Variants in ZNF710 observed in about 807,000 individuals in gnomAD.
The protein encoded by ZNF710 is zinc finger protein 710.
A neutral mutation model predicts 50.6 loss-of-function variants in ZNF710; 13 were observed. That is an observed-to-expected ratio of 0.26 (90% CI 0.17 to 0.41). The LOEUF (loss-of-function observed/expected upper bound fraction) is 0.41. ZNF710 is among the 10% of genes least tolerant of loss of function. The pLI, the probability that ZNF710 is intolerant of heterozygous loss-of-function variation, is 1.00. For synonymous variants in ZNF710, 383 were observed against 397.0 expected (o/e 0.96, Z 0.42); for missense variants, 721 against 936.6 (o/e 0.77, Z 3.01).
intron 1 of ZNF710, among the ~76,000 whole-genome samples, chr15:90,037,560 G>A (rs1899166843): frequency 6.6e-6 from 1 of 152,226 alleles, no homozygotes; most frequent in Non-Finnish European, 1.5e-5. Flanking sequence ...ACCACCACTG[G>A]TGGTACTCAG....
At chr15:90,018,417 C>T (rs1370031308) in intron 1 of ZNF710, among the ~76,000 whole-genome samples, 3 of 152,158 alleles carry the variant, frequency 2.0e-5, no homozygotes, top group East Asian at 3.9e-4. Flanking sequence ...ATCCGCCTAC[C>T]GTGGCCTCCC....
intron 1 of ZNF710, among the ~76,000 whole-genome samples, chr15:90,042,359 C>G (rs144906225): frequency 1.3e-5 from 2 of 151,996 alleles, no homozygotes; most frequent in Non-Finnish European, 2.9e-5. Flanking sequence ...CCCCCCACCC[C>G]CTCCAGGCAG....
At position 90,039,139 on chromosome 15, in the gene ZNF710, C is replaced by T. The variant is rs139522581; in HGVS notation, c.-28-27971C>T. On this transcript the variant is annotated intron_variant, in intron 1 of 4. Coordinates refer to ENST00000268154, the MANE Select transcript of ZNF710 (RefSeq NM_198526.4). Reference sequence around the variant, plus strand: ...ACTAAAAATACAAAAATTAGCCAGGCGTGGTGGCAGGCGCCTGTAACCCCA... The same window carrying T: ...ACTAAAAATACAAAAATTAGCCAGGTGTGGTGGCAGGCGCCTGTAACCCCA... Among the ~76,000 whole-genome samples the T allele has an allele frequency of 3.8e-3, 574 of 152,164 alleles. 3 individuals carry two copies. The highest frequency in any genetic ancestry group is 0.012 in the African/African-American group (493 of 41,498).
At chr15:90,031,025 A>AAAAC (rs1182606642) in intron 1 of ZNF710, among the ~76,000 whole-genome samples, 7 of 150,372 alleles carry the variant, frequency 4.7e-5, no homozygotes, top group Admixed American at 6.6e-5. Flanking sequence ...TCTCAAAAAA[A>AAAAC]AAGAAAAAAA....
At chr15:90,045,205 C>T (rs908832177) in intron 1 of ZNF710, among the ~76,000 whole-genome samples, 2 of 152,228 alleles carry the variant, frequency 1.3e-5, no homozygotes, top group African/African-American at 2.4e-5. Flanking sequence ...CTTCATCTCT[C>T]TAGCTCCTAG....
chr15:90,024,606 G>T (rs1014587552), intron 1 of ZNF710, among the ~76,000 whole-genome samples: 14 of 152,262 alleles, frequency 9.2e-5, no homozygotes, highest in African/African-American at 3.4e-4. Flanking sequence ...TCACCTGCTT[G>T]TGAAATGATG....
chr15:90,000,919 A>G (rs941451220), upstream of ZNF710, among the ~76,000 whole-genome samples: 2 of 151,394 alleles, frequency 1.3e-5, no homozygotes, highest in Non-Finnish European at 2.9e-5. Context: ...CGGGCCCCCC[A>G]TTTCCAAGCG....
intron 4 of ZNF710, among the ~76,000 whole-genome samples, chr15:90,077,910 A>AAAG (rs1900631555): frequency 6.6e-6 from 1 of 151,284 alleles, no homozygotes; most frequent in Admixed American, 6.6e-5. Flanking sequence ...CCTTGTCAAA[A>AAAG]AAAGAAAAGA....
chr15:90,034,807 C>T lies in ZNF710; in HGVS notation c.-28-32303C>T, dbSNP rs1447961433. On this transcript the variant is annotated intron_variant, in intron 1 of 4. Coordinates refer to ENST00000268154, the MANE Select transcript of ZNF710 (RefSeq NM_198526.4). The surrounding 1 kb of genome is among the most constrained non-coding windows in gnomAD (Gnocchi z 4.0). ...AGGTGCATTTCCTTTGCACACCTGG[C>T]GCCTGTTGGGGACTTAGACCTCTTC... Among the ~76,000 whole-genome samples the T allele has an allele frequency of 2.0e-5, 3 of 152,194 alleles. No homozygotes were observed. The highest frequency in any genetic ancestry group is 4.8e-5 in the African/African-American group (2 of 41,450).
chr15:90,009,438 A>T (rs778065108), intron 1 of ZNF710, among the ~76,000 whole-genome samples: 13 of 151,962 alleles, frequency 8.6e-5, no homozygotes, highest in Non-Finnish European at 1.8e-4. Flanking sequence ...TAGACTTGCC[A>T]TTACCCAGAA....
Position 90,001,437 on chromosome 15 carries a change from G to T in ZNF710, c.-206G>T, listed in dbSNP as rs983007552. On this transcript the variant is annotated 5_prime_UTR_variant, in exon 1 of 5. Coordinates refer to ENST00000268154, the MANE Select transcript of ZNF710 (RefSeq NM_198526.4). The stretch of plus-strand genomic sequence containing the variant: ...GAGCGAGAGAGCGAGCGAGAGGAGG[G>T]GGGAGAGAGAGAAAGAGAGGAGCCG... 2.6e-5 allele frequency: 4 copies of T among 152,152 alleles called. No individual in the cohort carries two copies. The highest frequency in any genetic ancestry group is 2.0e-4 in the South Asian group (1 of 4,944). The allele number at this position is 152,152 out of a possible 1,614,324, so 9.4% of individuals were successfully genotyped here. A position where few individuals can be genotyped will look rare whatever the true frequency, so the allele number is the denominator to read the frequency against.
intron 1 of ZNF710, among the ~76,000 whole-genome samples, chr15:90,008,934 T>C (rs1368732041): frequency 1.3e-5 from 2 of 152,150 alleles, no homozygotes; most frequent in African/African-American, 4.8e-5. Context: ...TGAGAATAAG[T>C]GATCATATTG....
In ZNF710 at chr15:90,051,589, C is replaced by T. The variant is rs146365165; in HGVS notation, c.-28-15521C>T. Among the ~76,000 whole-genome samples, 185 of 151,564 alleles carry T rather than the reference C, an allele frequency of 1.2e-3. 2 individuals carry two copies. Among genetic ancestry groups the T allele is most frequent in the African/African-American group, 4.1e-3 (170 of 41,430 alleles). ...CAGAGGTTGCAGTGAGCTGAGATGG[C>T]GCCACTGCACTCCAGCCTTGGCGAC... is the stretch of plus-strand genomic sequence containing the variant. On this transcript the variant is annotated intron_variant, in intron 1 of 4. Transcript: ENST00000268154.
At chr15:90,070,027 G>A (rs541219080) in intron 2 of ZNF710, among the ~76,000 whole-genome samples, 3 of 152,262 alleles carry the variant, frequency 2.0e-5, no homozygotes, top group Admixed American at 1.3e-4. Flanking sequence ...TCCCCATAAC[G>A]GTGGCCTATG....
intron 1 of ZNF710, among the ~76,000 whole-genome samples, chr15:90,020,258 T>G (rs554379444): frequency 6.6e-6 from 1 of 152,312 alleles, no homozygotes; most frequent in African/African-American, 2.4e-5. Flanking sequence ...GGGCTGAGCT[T>G]CTTTCTTCCC....
chr15:90,021,785 A>G (rs1898630163), intron 1 of ZNF710, among the ~76,000 whole-genome samples: 1 of 152,188 alleles, frequency 6.6e-6, no homozygotes, highest in Non-Finnish European at 1.5e-5. Context: ...GAGTCCTAGC[A>G]GACAAAGGCG....
intron 1 of ZNF710, among the ~76,000 whole-genome samples, chr15:90,029,882 T>C (rs1193639348): frequency 6.6e-6 from 1 of 151,746 alleles, no homozygotes; most frequent in Non-Finnish European, 1.5e-5. Flanking sequence ...CCCAAAGTGC[T>C]GGGATTACAG....
chr15:90,026,260 C>CAA (rs1303807061), intron 1 of ZNF710, among the ~76,000 whole-genome samples: 22 of 40,776 alleles, frequency 5.4e-4, no homozygotes, highest in African/African-American at 7.4e-4. Context: ...AAAACAACAA[C>CAA]AACAACAACA....
At chr15:90,026,127 C>G (rs1356357715) in intron 1 of ZNF710, 1 of 151,420 alleles carries the variant, frequency 6.6e-6, no homozygotes, top group Non-Finnish European at 1.5e-5. Flanking sequence ...AATTAAGAAA[C>G]GGAAACACAG....
Sources: gnomAD v4.1 joint callset for allele counts (sites outside exome capture counted in the v4.1 genomes callset) on GRCh38, gnomAD v4.1.1 for gene constraint, Gnocchi (gnomAD v3.1) non-coding constraint, MANE v1.5 for transcripts, NCBI Gene and HGNC (gene_info 2026-07-23, HGNC 2026-07-21) for gene names.